Variants in EFHC1 observed in about 807,000 individuals in gnomAD.
EFHC1 encodes EF-hand domain containing 1.
Under a neutral mutation model 69.9 loss-of-function variants are expected in EFHC1, and 53 were observed. The observed-to-expected ratio is 0.76, with a 90% CI of 0.61 to 0.95. The LOEUF is 0.95. Ranked by LOEUF, EFHC1 falls within the 40% of genes least tolerant of loss-of-function variation. The pLI, the probability that EFHC1 is intolerant of heterozygous loss-of-function variation, is 0.00. For synonymous variants in EFHC1, 256 were observed against 278.4 expected (o/e 0.92, Z 0.80); for missense variants, 739 against 798.7 (o/e 0.93, Z 0.90).
In EFHC1 at chr6:52,495,852, G is replaced by A. The variant is rs1279487918; in HGVS notation, c.*3511G>A. The A allele has an allele frequency of 1.2e-5, 4 of 341,908 alleles. No individual in the cohort carries two copies. The highest frequency in any genetic ancestry group is 2.3e-5 in the Non-Finnish European group (4 of 174,342). The allele number at this position is 341,908 out of a possible 1,614,324, so 21.2% of individuals were successfully genotyped here. ...ACTTAAGACTGAGAAGCTGAGATCT[G>A]ACAGCACCAACACAAGGTATAAAAG... is the stretch of plus-strand genomic sequence containing the variant. On this transcript the variant is annotated 3_prime_UTR_variant, in exon 11 of 11. Transcript: ENST00000371068.
In EFHC1 at chr6:52,494,446, A is replaced by C. The variant is rs1331145416; in HGVS notation, c.*2105A>C. 3 of 453,990 alleles carry C rather than the reference A, an allele frequency of 6.6e-6. No individual in the cohort carries two copies. In the East Asian group the frequency reaches 2.1e-4, roughly 32 times the overall value. The allele number at this position is 453,990 out of a possible 1,614,324, so 28.1% of individuals were successfully genotyped here. A position where few individuals can be genotyped will look rare whatever the true frequency, so the allele number is the denominator to read the frequency against. The stretch of plus-strand genomic sequence containing the variant: ...CCATGCTGCTGTTTCTAGCCCATGT[A>C]GGCTCTGGGAAAGGTTAAGCGGGTA... On this transcript the variant is annotated 3_prime_UTR_variant, in exon 11 of 11. Transcript: ENST00000371068.
intron 2 of EFHC1, among the ~76,000 whole-genome samples, chr6:52,429,007 A>G (rs531244575): frequency 5.3e-5 from 8 of 152,128 alleles, no homozygotes; most frequent in East Asian, 3.9e-4. Context: ...AGAATTGTCT[A>G]TTCATGTCCT....
At chr6:52,433,073 A>G (rs1244850171) in intron 2 of EFHC1, among the ~76,000 whole-genome samples, 1 of 151,228 alleles carries the variant, frequency 6.6e-6, no homozygotes, top group Non-Finnish European at 1.5e-5. Context: ...ATTGAAAAAA[A>G]TTTCCCTTCA....
At position 52,454,394 on chromosome 6, in the gene EFHC1, A is replaced by G. The variant is rs77208676; in HGVS notation, c.916+107A>G. 1.4e-4 allele frequency: 199 copies of G among 1,397,560 alleles called. 1 individual carries two copies. The East Asian group carries it at 4.1e-3, about 29-fold the overall frequency. 86.6% of individuals were successfully genotyped at this position (1,397,560 alleles called of 1,614,324 possible). A position where few individuals can be genotyped will look rare whatever the true frequency, so the allele number is the denominator to read the frequency against. On this transcript the variant is annotated intron_variant, in intron 5 of 10. Coordinates refer to ENST00000371068, the MANE Select transcript of EFHC1 (RefSeq NM_018100.4). ...CGTTTATACTTGGAAGCCTCTAGCT[A>G]TTTTTGCTTAGATGCTCAGAAAATG...
intron 6 of EFHC1, among the ~76,000 whole-genome samples, chr6:52,467,506 T>G (rs1235837998): frequency 6.6e-6 from 1 of 152,060 alleles, no homozygotes; most frequent in Non-Finnish European, 1.5e-5. Flanking sequence ...CCAATGGAAT[T>G]TTTTGAGTCT....
At chr6:52,453,707 A>C in intron 4 of EFHC1, 1 of 1,251,430 alleles carries the variant, frequency 8.0e-7, no homozygotes, top group Non-Finnish European at 1.0e-6. Context: ...TTAATAAATA[A>C]AAATTTTTTC....
chr6:52,458,911 A>G (rs1288602709), intron 5 of EFHC1, among the ~76,000 whole-genome samples: 2 of 152,248 alleles, frequency 1.3e-5, no homozygotes, highest in Non-Finnish European at 2.9e-5. Context: ...CATATACACC[A>G]TGGAATACTA....
chr6:52,466,108 G>A (rs1765301776), intron 6 of EFHC1, among the ~76,000 whole-genome samples: 1 of 152,038 alleles, frequency 6.6e-6, no homozygotes, highest in Non-Finnish European at 1.5e-5. Flanking sequence ...ATGGATGTAT[G>A]AAAATACATG....
intron 2 of EFHC1, among the ~76,000 whole-genome samples, chr6:52,435,948 T>C (rs1388020957): frequency 6.6e-6 from 1 of 152,238 alleles, no homozygotes; most frequent in Non-Finnish European, 1.5e-5. Context: ...GAGTTAATAG[T>C]CTGAATTTCA....
intron 9 of EFHC1, among the ~76,000 whole-genome samples, chr6:52,480,611 G>C (rs775667776): frequency 1.3e-5 from 2 of 152,182 alleles, no homozygotes; most frequent in Admixed American, 6.5e-5. Context: ...TGTTTCTGGA[G>C]AGTGGCAGTA....
chr6:52,436,971 T>C (rs1764548186), intron 2 of EFHC1, among the ~76,000 whole-genome samples: 1 of 152,184 alleles, frequency 6.6e-6, no homozygotes, highest in Non-Finnish European at 1.5e-5. Flanking sequence ...GTGTAATCTA[T>C]ATATTGATAC....
chr6:52,442,658 G>T (rs1376013388), intron 3 of EFHC1, among the ~76,000 whole-genome samples: 1 of 152,160 alleles, frequency 6.6e-6, no homozygotes, highest in Non-Finnish European at 1.5e-5. Flanking sequence ...GTATTCCATG[G>T]TGTATATGTG....
At chr6:52,462,297 T>C (rs549416756) in intron 5 of EFHC1, among the ~76,000 whole-genome samples, 1 of 151,728 alleles carries the variant, frequency 6.6e-6, no homozygotes, top group Non-Finnish European at 1.5e-5. Context: ...AAGAGGTACT[T>C]GGAGGAAAAT....
chr6:52,433,946 A>C (rs1406691893), intron 2 of EFHC1, among the ~76,000 whole-genome samples: 5 of 152,122 alleles, frequency 3.3e-5, no homozygotes, highest in Admixed American at 6.5e-5. Flanking sequence ...TCAGGTTGTC[A>C]GGGAAGTGGG....
rs377235781 is a variant in EFHC1, at chr6:52,465,007, C to T, written c.1029C>T (p.Phe343=). Residue 343 remains phenylalanine (F), a synonymous_variant, in exon 6 of 11, where the codon TTC becomes TTT. Coordinates refer to ENST00000371068, the MANE Select transcript of EFHC1 (RefSeq NM_018100.4). ...TCACTATCCTTGGGAGAACTTTCTT[C>T]ATTTATGATTGTGATCCATTTACTC... ...KSLTILGRTF[F]IYDCDPFTRR... is the part of the protein sequence containing the mutation. 2.5e-6 allele frequency: 4 copies of T among 1,614,028 alleles called. No individual in the cohort carries two copies. Among genetic ancestry groups the T allele is most frequent in the Non-Finnish European group, 3.4e-6 (4 of 1,180,024 alleles).
At chr6:52,434,738 C>G (rs1297464409) in intron 2 of EFHC1, among the ~76,000 whole-genome samples, 1 of 152,190 alleles carries the variant, frequency 6.6e-6, no homozygotes, top group Non-Finnish European at 1.5e-5. Context: ...TTCCAAAGAG[C>G]TTTTCTACAT....
chr6:52,493,990 T>A lies in EFHC1; in HGVS notation c.*1649T>A. On this transcript the variant is annotated 3_prime_UTR_variant, in exon 11 of 11. Coordinates refer to ENST00000371068, the MANE Select transcript of EFHC1 (RefSeq NM_018100.4). ...CTTATTGAAAGGGCTGTGAATGTAT[T>A]ATGTTGATTCCTTTTCTGTTCCAGG... 4.4e-6 allele frequency: 2 copies of A among 454,096 alleles called. No individual in the cohort carries two copies. Among genetic ancestry groups the A allele is most frequent in the Non-Finnish European group, 8.8e-6 (2 of 226,802 alleles). The allele number at this position is 454,096 out of a possible 1,614,324, so 28.1% of individuals were successfully genotyped here. A position where few individuals can be genotyped will look rare whatever the true frequency, so the allele number is the denominator to read the frequency against.
In EFHC1 at chr6:52,471,885, A is replaced by C. The variant is rs934527983; in HGVS notation, c.1278+2412A>C. ...TCCGTCTAAAAATAAAATAAAATAA[A>C]TAAATAACTAAATAATAAAATTAAA... On this transcript the variant is annotated intron_variant, in intron 7 of 10. Transcript: ENST00000371068. 2.0e-5 allele frequency among the ~76,000 whole-genome samples: 3 copies of C among 151,510 alleles called. No individual in the cohort carries two copies. The South Asian group carries it at 6.2e-4, about 31-fold the overall frequency.
Position 52,453,409 on chromosome 6 carries a change from C to T in EFHC1, c.723+572C>T, listed in dbSNP as rs1192989238. 3.9e-6 allele frequency: 5 copies of T among 1,287,160 alleles called. No homozygotes were observed. In the South Asian group the frequency reaches 4.9e-5, roughly 13 times the overall value. The allele number at this position is 1,287,160 out of a possible 1,614,324, so 79.7% of individuals were successfully genotyped here. On this transcript the variant is annotated intron_variant, in intron 4 of 10. Coordinates refer to ENST00000371068, the MANE Select transcript of EFHC1 (RefSeq NM_018100.4). ...GTGTATAAGCAGATTTAAATCCTTCCCTTTCTGTACTAAAGGGAGAAAGAA... is the reference window on the plus strand; with the variant it reads ...GTGTATAAGCAGATTTAAATCCTTCTCTTTCTGTACTAAAGGGAGAAAGAA...
Sources: allele counts gnomAD v4.1 joint callset (sites outside exome capture counted in the v4.1 genomes callset), GRCh38; gene constraint gnomAD v4.1.1; transcripts MANE v1.5; gene names NCBI Gene and HGNC (gene_info 2026-07-23, HGNC 2026-07-21).